Variants in PPOX observed in about 807,000 individuals in gnomAD.
PPOX encodes protoporphyrinogen oxidase, also known as variegate porphyria.
A neutral mutation model predicts 54.1 loss-of-function variants in PPOX; 23 were observed. The observed-to-expected ratio is 0.43, with a 90% CI of 0.31 to 0.60. PPOX has a LOEUF of 0.60. Ranked by LOEUF, PPOX falls within the 20% of genes least tolerant of loss-of-function variation. The probability of loss-of-function intolerance (pLI) is 0.13; values close to 1 mark genes in which losing one functional copy is unlikely to be tolerated. For synonymous variants in PPOX, 224 were observed against 236.1 expected, an observed-to-expected ratio of 0.95 and a Z score of 0.47; for missense variants, 512 against 601.1, an observed-to-expected ratio of 0.85 and a Z score of 1.55.
Position 161,169,897 on chromosome 1 carries a change from G to A in PPOX, c.869-9G>A. 5 of 1,614,180 alleles carry A rather than the reference G, an allele frequency of 3.1e-6. No homozygotes were observed. Among genetic ancestry groups the A allele is most frequent in the Non-Finnish European group, 4.2e-6 (5 of 1,180,034 alleles). ...TGCCTTCTGAGTCAGGCCTCTGCCT[G>A]ATCTCTAGTGCTCAGTGAGCTGCTC... On this transcript the variant is annotated splice_polypyrimidine_tract_variant and intron_variant, in intron 8 of 12. Coordinates refer to ENST00000367999, the MANE Select transcript of PPOX (RefSeq NM_001122764.3).
chr1:161,171,027 C>T lies in PPOX; in HGVS notation c.1292-7C>T. ...GCTAAAACATTCCTTTCATCCTTTC[C>T]TTCCAGAGTCAGCTAGGCAATTCCT... On this transcript the variant is annotated splice_region_variant and splice_polypyrimidine_tract_variant and intron_variant, in intron 12 of 12. Coordinates refer to ENST00000367999, the MANE Select transcript of PPOX (RefSeq NM_001122764.3). 1 of 1,614,222 alleles carries T rather than the reference C, an allele frequency of 6.2e-7. No individual in the cohort carries two copies. The highest frequency in any genetic ancestry group is 8.5e-7 in the Non-Finnish European group (1 of 1,180,040).
At chr1:161,173,437 A>G (rs907010168), downstream of PPOX, among the ~76,000 whole-genome samples, 6 of 152,234 alleles carry the variant, frequency 3.9e-5, no homozygotes, top group Admixed American at 3.3e-4. Flanking sequence ...AATGGGCAGT[A>G]GCATGCAAGC....
intron 10 of PPOX, 29 bp downstream of exon 10, chr1:161,170,548 C>T: frequency 6.2e-7 from 1 of 1,614,120 alleles, no homozygotes; most frequent in Non-Finnish European, 8.5e-7. Context: ...TGCCTAGTGG[C>T]ATTTCCAGAG....
At chr1:161,173,059 TCA>T (rs1301379753), downstream of PPOX, among the ~76,000 whole-genome samples, 1 of 152,138 alleles carries the variant, frequency 6.6e-6, no homozygotes, top group Non-Finnish European at 1.5e-5. Context: ...GGATGAGAAT[TCA>T]CAGAGATGTC....
intron 7 of PPOX, 196 bp from the exon 8 acceptor site, chr1:161,169,463 TG>T: frequency 1.4e-6 from 1 of 724,510 alleles, no homozygotes; most frequent in Non-Finnish European, 2.4e-6. Context: ...CTGGCCTGTC[TG>T]GTCCACTTCC....
At chr1:161,170,795 C>G in intron 11 of PPOX, 26 bp downstream of exon 11, 1 of 1,614,088 alleles carries the variant, frequency 6.2e-7, no homozygotes, top group South Asian at 1.1e-5. Context: ...CTTCCCTCAG[C>G]TCTCCACTGA....
At chr1:161,171,724 C>T (rs1661496823), downstream of PPOX, 1 of 1,520,050 alleles carries the variant, frequency 6.6e-7, no homozygotes, top group Non-Finnish European at 8.9e-7. Flanking sequence ...TCAGTTCCCT[C>T]ACATCCCTCT....
chr1:161,171,896 C>T, downstream of PPOX: 3 of 1,614,200 alleles, frequency 1.9e-6, no homozygotes, highest in Non-Finnish European at 2.5e-6. Context: ...TGCAGCATCT[C>T]TTGACGGAAG....
At chr1:161,176,290 C>A in intron 4 of PPOX, 1 of 604,946 alleles carries the variant, frequency 1.7e-6, no homozygotes, top group Non-Finnish European at 2.9e-6. Context: ...TTTCGCTCTC[C>A]TCTACCTCCC....
downstream of PPOX, chr1:161,173,743 T>C (rs551153357): frequency 2.0e-4 from 323 of 1,614,022 alleles, 1 homozygote; most frequent in South Asian, 3.4e-3. Flanking sequence ...GAGAGAAAGA[T>C]CCTTGCATAC....
chr1:161,168,697 G>A, intron 6 of PPOX, 121 bp downstream of exon 6: 1 of 1,356,730 alleles, frequency 7.4e-7, no homozygotes. Flanking sequence ...TTGCTCTGCT[G>A]CCTAGGCTGG....
intron 4 of PPOX, chr1:161,167,794 A>T: frequency 8.3e-6 from 7 of 838,494 alleles, no homozygotes; most frequent in Non-Finnish European, 1.3e-5. Context: ...TGAACTCCTG[A>T]CCTTGTGATC....
At chr1:161,171,382 T>C, downstream of PPOX, 1 of 863,926 alleles carries the variant, frequency 1.2e-6, no homozygotes, top group Non-Finnish European at 1.8e-6. Context: ...AAGAGGGAGC[T>C]ATTCCAGCAT....
At chr1:161,173,864 T>C, downstream of PPOX, 1 of 1,613,762 alleles carries the variant, frequency 6.2e-7, no homozygotes, top group Non-Finnish European at 8.5e-7. Context: ...TCTACCTGTA[T>C]CCAAACTTGT....
At chr1:161,173,697 G>A (rs750226894), downstream of PPOX, 1 of 1,614,152 alleles carries the variant, frequency 6.2e-7, no homozygotes, top group Non-Finnish European at 8.5e-7. Context: ...TAAGTGCTGA[G>A]ACTCCTCCGA....
intron 4 of PPOX, chr1:161,176,820 C>CT: frequency 6.6e-7 from 1 of 1,525,828 alleles, no homozygotes; most frequent in Non-Finnish European, 8.8e-7. Flanking sequence ...GGGGACAGGA[C>CT]AGCTAATGGA....
At chr1:161,174,078 A>G, downstream of PPOX, 4 of 1,606,458 alleles carry the variant, frequency 2.5e-6, no homozygotes, top group South Asian at 2.2e-5. Flanking sequence ...GAACCAGACT[A>G]TGTCTGTAGG....
intron 5 of PPOX, 39 bp from the exon 6 acceptor site, chr1:161,168,393 A>G: frequency 6.2e-7 from 1 of 1,613,892 alleles, no homozygotes. Flanking sequence ...GTCAGTGTAG[A>G]TTATTTTTTC....
intron 4 of PPOX, chr1:161,176,484 G>C: frequency 2.6e-6 from 1 of 378,082 alleles, no homozygotes; most frequent in African/African-American, 2.0e-5. Context: ...GGGGGTCCCG[G>C]GGGGACAGAG....
Sources: gnomAD v4.1 joint callset for allele counts (sites outside exome capture counted in the v4.1 genomes callset) on GRCh38, gnomAD v4.1.1 for gene constraint, MANE v1.5 for transcripts, NCBI Gene and HGNC (gene_info 2026-07-23, HGNC 2026-07-21) for gene names.